Variants in DCAF5 observed in about 807,000 individuals in gnomAD.
DCAF5 encodes DDB1 and CUL4 associated factor 5.
A neutral mutation model predicts 80.7 loss-of-function variants in DCAF5; 9 were observed. The ratio of observed to expected loss-of-function variants is 0.11; its 90% CI spans 0.07 to 0.19. The LOEUF (loss-of-function observed/expected upper bound fraction) is 0.19. Among genes scored for constraint, DCAF5 ranks in the 10% least tolerant of loss-of-function variants. The pLI is 1.00. For missense variants in DCAF5, 842 were observed against 1,205.7 expected (o/e 0.70, Z 4.47); for synonymous variants, 433 against 461.9 (o/e 0.94, Z 0.80).
chr14:69,098,134 C>T (rs2039801053), intron 5 of DCAF5, among the ~76,000 whole-genome samples: 1 of 75,856 alleles, frequency 1.3e-5, no homozygotes, highest in Non-Finnish European at 2.8e-5. Context: ...GTGACCCCAC[C>T]TCCTAGGACT....
chr14:69,084,651 A>C (rs56239027), intron 6 of DCAF5: 4 of 1,090,590 alleles, frequency 3.7e-6, no homozygotes. Flanking sequence ...AAGAACCAAA[A>C]AAAGAAGCTT....
At chr14:69,121,909 G>T (rs1310849947) in intron 2 of DCAF5, among the ~76,000 whole-genome samples, 2 of 152,106 alleles carry the variant, frequency 1.3e-5, no homozygotes, top group Non-Finnish European at 2.9e-5. Context: ...GGAAGGTTAA[G>T]TATTGTTTCA....
chr14:69,075,268 T>G lies in DCAF5; in HGVS notation c.946+77A>C. On this transcript the variant is annotated intron_variant, in intron 7 of 8. Coordinates refer to ENST00000341516, the MANE Select transcript of DCAF5 (RefSeq NM_003861.3). ...ATGTTGTCCTCTACTGCTAAAGATC[T>G]GTCCCCTCAGGGCACAGCATGCCAA... 5 of 1,150,210 alleles carry G rather than the reference T, an allele frequency of 4.3e-6. 1 individual carries two copies. The South Asian group carries it at 7.7e-5, about 18-fold the overall frequency. The allele number at this position is 1,150,210 out of a possible 1,614,324, so 71.3% of individuals were successfully genotyped here.
At chr14:69,111,031 C>T (rs1364474791) in intron 5 of DCAF5, among the ~76,000 whole-genome samples, 2 of 152,068 alleles carry the variant, frequency 1.3e-5, no homozygotes, top group African/African-American at 4.8e-5. Flanking sequence ...GATGGCCTTG[C>T]ATTCTGAAAG....
At chr14:69,067,071 A>G (rs1458231042) in intron 7 of DCAF5, among the ~76,000 whole-genome samples, 8 of 152,232 alleles carry the variant, frequency 5.3e-5, no homozygotes, top group Non-Finnish European at 1.2e-4. Flanking sequence ...AACATACTAC[A>G]TAATTTACTA....
At chr14:69,096,577 C>T (rs1420003448) in intron 5 of DCAF5, among the ~76,000 whole-genome samples, 4 of 152,130 alleles carry the variant, frequency 2.6e-5, no homozygotes, top group South Asian at 2.1e-4. Flanking sequence ...CATTATCTTC[C>T]AGAACAGGAA....
At chr14:69,090,946 T>G (rs878976209) in intron 6 of DCAF5, 6 of 620,768 alleles carry the variant, frequency 9.7e-6, no homozygotes, top group South Asian at 5.6e-5. Context: ...TTGTCTTTCT[T>G]CCCATTTGTC....
In DCAF5 at chr14:69,053,192, T is replaced by A. The variant is rs2037816629; in HGVS notation, c.*665A>T. The stretch of plus-strand genomic sequence containing the variant: ...TGATCTTAAGTGCTAAACCTCTCAT[T>A]AGCATTAAAAATTCTTTTTTATAGT... On this transcript the variant is annotated 3_prime_UTR_variant, in exon 9 of 9. Coordinates refer to ENST00000341516, the MANE Select transcript of DCAF5 (RefSeq NM_003861.3). 6.6e-6 allele frequency: 1 copy of A among 152,260 alleles called. No individual in the cohort carries two copies. The highest frequency in any genetic ancestry group is 2.4e-5 in the African/African-American group (1 of 41,462). The allele number at this position is 152,260 out of a possible 1,614,324, so 9.4% of individuals were successfully genotyped here.
intron 5 of DCAF5, 51 bp from the exon 6 acceptor site, chr14:69,091,938 T>A: frequency 6.7e-7 from 1 of 1,483,808 alleles, no homozygotes; most frequent in Non-Finnish European, 9.2e-7. Context: ...TAAACAAGAG[T>A]CTGAAAAACA....
intron 5 of DCAF5, among the ~76,000 whole-genome samples, chr14:69,104,328 T>C (rs2040058751): frequency 6.6e-6 from 1 of 152,152 alleles, no homozygotes; most frequent in African/African-American, 2.4e-5. Context: ...TAACTAGGCA[T>C]TTTTAATTTC....
At chr14:69,077,093 T>C (rs1314054528) in intron 6 of DCAF5, among the ~76,000 whole-genome samples, 1 of 152,238 alleles carries the variant, frequency 6.6e-6, no homozygotes, top group Non-Finnish European at 1.5e-5. Flanking sequence ...TGAGAGTTCA[T>C]TTATTTCCAG....
At position 69,055,691 on chromosome 14, in the gene DCAF5, G is replaced by C; in HGVS notation, c.1075-80C>G. ...CACTGGTGGTGATAAAGAACACCAA[G>C]GCAGAACTTCCCCAGACTCTCCCTG... On this transcript the variant is annotated intron_variant, in intron 8 of 8. Transcript: ENST00000341516. The surrounding 1 kb of genome is among the most constrained non-coding windows in gnomAD (Gnocchi z 5.6). The C allele has an allele frequency of 7.2e-7, 1 of 1,397,470 alleles. No individual in the cohort carries two copies. The highest frequency in any genetic ancestry group is 2.3e-5 in the East Asian group (1 of 43,314). 86.6% of individuals were successfully genotyped at this position (1,397,470 alleles called of 1,614,324 possible). A position where few individuals can be genotyped will look rare whatever the true frequency, so the allele number is the denominator to read the frequency against.
At position 69,091,839 on chromosome 14, in the gene DCAF5, A is replaced by G. The variant is rs548067289; in HGVS notation, c.714T>C (p.Ser238=). ...GGGTCCCGTTGCTGTTGAATCGTAC[A>G]CTCATGGCACTTTGGAGGGACAGGT... ...GGNLSLQSAM[S]VRFNSNGTQL... is the part of the protein sequence containing the mutation. The change falls in exon 6 of 9, where the codon AGT becomes AGC. Residue 238 remains serine (S), a synonymous_variant. Coordinates refer to ENST00000341516, the MANE Select transcript of DCAF5 (RefSeq NM_003861.3). 83 of 1,613,946 alleles carry G rather than the reference A, an allele frequency of 5.1e-5. 2 individuals are homozygous for G. In the South Asian group the frequency reaches 8.7e-4, roughly 17 times the overall value.
intron 6 of DCAF5, among the ~76,000 whole-genome samples, chr14:69,076,896 C>T (rs1007577601): frequency 6.6e-6 from 1 of 152,182 alleles, no homozygotes; most frequent in African/African-American, 2.4e-5. Flanking sequence ...TTACTGCCAG[C>T]TGATATCTTT....
At chr14:69,129,631 A>G (rs1595048741) in intron 1 of DCAF5, among the ~76,000 whole-genome samples, 1 of 152,298 alleles carries the variant, frequency 6.6e-6, no homozygotes, top group South Asian at 2.1e-4. Flanking sequence ...ACCTGCAAAT[A>G]ATCCAAGTGA....
intron 6 of DCAF5, chr14:69,091,073 G>A (rs2039515857): frequency 5.3e-6 from 4 of 752,914 alleles, no homozygotes; most frequent in Non-Finnish European, 9.7e-6. Flanking sequence ...CCAGCTTTAA[G>A]TCAACATCAG....
intron 6 of DCAF5, 146 bp downstream of exon 6, chr14:69,091,528 T>C (rs928068619): frequency 4.1e-6 from 3 of 733,672 alleles, no homozygotes; most frequent in Non-Finnish European, 6.6e-6. Flanking sequence ...CTCACTATTA[T>C]TAAGTCAGAA....
intron 6 of DCAF5, among the ~76,000 whole-genome samples, chr14:69,081,134 C>G (rs962459591): frequency 2.6e-5 from 4 of 152,082 alleles, no homozygotes; most frequent in African/African-American, 9.7e-5. Flanking sequence ...ATCTTATACT[C>G]TATTGAGAAG....
At chr14:69,104,077 T>G (rs2040052565) in intron 5 of DCAF5, among the ~76,000 whole-genome samples, 1 of 152,204 alleles carries the variant, frequency 6.6e-6, no homozygotes, top group Non-Finnish European at 1.5e-5. Context: ...AGTTTCTGTA[T>G]AGAAATACAT....
Sources: allele counts gnomAD v4.1 joint callset (sites outside exome capture counted in the v4.1 genomes callset), GRCh38; gene constraint gnomAD v4.1.1; non-coding constraint Gnocchi (gnomAD v3.1); transcripts MANE v1.5; gene names NCBI Gene and HGNC (gene_info 2026-07-23, HGNC 2026-07-21).